Variants in BPTF observed in about 807,000 individuals in gnomAD.
The protein encoded by BPTF is nucleosome-remodeling factor subunit BPTF.
Under a neutral mutation model 292.5 loss-of-function variants are expected in BPTF, and 18 were observed. The observed-to-expected ratio is 0.06, with a 90% CI of 0.04 to 0.09. BPTF has a LOEUF of 0.09. BPTF is among the 10% of genes least tolerant of loss of function. The pLI is 1.00. For missense variants in BPTF, 2,726 were observed against 3,498.7 expected, an observed-to-expected ratio of 0.78 and a Z score of 5.57; for synonymous variants, 1,225 against 1,251.9, an observed-to-expected ratio of 0.98 and a Z score of 0.45.
chr17:67,955,277 C>CAAAA (rs60507268), intron 23 of BPTF: 14 of 119,518 alleles, frequency 1.2e-4, no homozygotes, highest in African/African-American at 3.8e-4. Flanking sequence ...GACTCTGTCT[C>CAAAA]AAAAAAAAAA....
chr17:67,924,860 G>A (rs1646320900), intron 15 of BPTF, among the ~76,000 whole-genome samples: 1 of 151,894 alleles, frequency 6.6e-6, no homozygotes, highest in Non-Finnish European at 1.5e-5. Flanking sequence ...GGTTCAAGCG[G>A]TCCTCAGCCT....
intron 5 of BPTF, among the ~76,000 whole-genome samples, chr17:67,893,003 C>G (rs1163228617): frequency 6.6e-6 from 1 of 151,924 alleles, no homozygotes; most frequent in Non-Finnish European, 1.5e-5. Context: ...ATAGTACATG[C>G]GATGCCCTTC....
intron 2 of BPTF, among the ~76,000 whole-genome samples, chr17:67,864,248 C>T (rs146311755): frequency 1.3e-5 from 2 of 151,994 alleles, no homozygotes; most frequent in African/African-American, 2.4e-5. Flanking sequence ...CTTTTCAGCC[C>T]GGTGCGGTGG....
At chr17:67,969,129 C>G (rs1004934620) in intron 26 of BPTF, among the ~76,000 whole-genome samples, 1 of 150,572 alleles carries the variant, frequency 6.6e-6, no homozygotes, top group African/African-American at 2.5e-5. Context: ...TGGCAAAACC[C>G]TGTCTCTCCA....
intron 7 of BPTF, among the ~76,000 whole-genome samples, chr17:67,902,225 T>C (rs1407200315): frequency 6.6e-6 from 1 of 152,136 alleles, no homozygotes; most frequent in Non-Finnish European, 1.5e-5. Flanking sequence ...AGCTTTGAGC[T>C]CCTAGGGTGT....
intron 23 of BPTF, among the ~76,000 whole-genome samples, chr17:67,950,609 G>A (rs1033613053): frequency 1.3e-5 from 2 of 151,784 alleles, no homozygotes; most frequent in Non-Finnish European, 1.5e-5. Flanking sequence ...AGGCTGAGGC[G>A]AGCGGATCAT....
At chr17:67,893,950 A>G in intron 6 of BPTF, 84 bp from the exon 7 acceptor site, 1 of 1,516,788 alleles carries the variant, frequency 6.6e-7, no homozygotes, top group Non-Finnish European at 9.0e-7. Flanking sequence ...CTGGAATCAG[A>G]TGGAGGCCAA....
At chr17:67,939,005 T>C (rs752642540) in intron 18 of BPTF, among the ~76,000 whole-genome samples, 1 of 152,202 alleles carries the variant, frequency 6.6e-6, no homozygotes, top group Non-Finnish European at 1.5e-5. Flanking sequence ...ACTGGTGATA[T>C]CAAGGTTTGG....
chr17:67,951,205 CTCTT>C (rs2066325051), intron 23 of BPTF: 1 of 152,182 alleles, frequency 6.6e-6, no homozygotes, highest in Admixed American at 6.6e-5. Flanking sequence ...CTCTCTCTCT[CTCTT>C]TTTCTCAGAG....
At chr17:67,916,984 A>G (rs775186000) in intron 11 of BPTF, among the ~76,000 whole-genome samples, 4 of 152,072 alleles carry the variant, frequency 2.6e-5, no homozygotes, top group Non-Finnish European at 4.4e-5. Flanking sequence ...ATGATATTTA[A>G]TGCAGTTAAG....
At chr17:67,909,431 C>T (rs1011470568) in intron 9 of BPTF, 151 bp from the exon 10 acceptor site, 4 of 537,582 alleles carry the variant, frequency 7.4e-6, no homozygotes, top group African/African-American at 2.0e-5. Context: ...GTACCTTATA[C>T]TCAATAAGAC....
intron 9 of BPTF, among the ~76,000 whole-genome samples, chr17:67,905,415 A>G (rs113269773): frequency 0.018 from 2,766 of 151,964 alleles, 93 homozygotes; most frequent in African/African-American, 0.063. Context: ...CTCAAAAAAA[A>G]AAAAATTCAG....
intron 17 of BPTF, among the ~76,000 whole-genome samples, chr17:67,931,333 C>T (rs747363010): frequency 2.6e-5 from 4 of 151,822 alleles, no homozygotes; most frequent in Non-Finnish European, 5.9e-5. Flanking sequence ...ATTAGCCGGA[C>T]ATGGTGCCAT....
At chr17:67,915,563 G>A (rs749195514) in intron 11 of BPTF, among the ~76,000 whole-genome samples, 4 of 151,924 alleles carry the variant, frequency 2.6e-5, no homozygotes, top group Admixed American at 1.3e-4. Context: ...ATCTCTTTCT[G>A]TACCTCTACA....
intron 12 of BPTF, among the ~76,000 whole-genome samples, chr17:67,919,265 G>A (rs2063277587): frequency 6.6e-6 from 1 of 151,614 alleles, no homozygotes; most frequent in African/African-American, 2.4e-5. Context: ...GCCATGTGTG[G>A]TGGCTCTCAC....
At chr17:67,837,772 G>A (rs549652014) in intron 1 of BPTF, among the ~76,000 whole-genome samples, 5 of 152,146 alleles carry the variant, frequency 3.3e-5, no homozygotes, top group Non-Finnish European at 7.3e-5. Flanking sequence ...TTTAGCAGGT[G>A]TTCTTGGATA....
intron 3 of BPTF, among the ~76,000 whole-genome samples, chr17:67,874,222 A>G (rs1414110170): frequency 6.6e-6 from 1 of 152,206 alleles, no homozygotes; most frequent in South Asian, 2.1e-4. Context: ...ATAACATGCC[A>G]TAGTATCACT....
At chr17:67,948,480 T>G (rs983149617) in intron 23 of BPTF, among the ~76,000 whole-genome samples, 174 bp downstream of exon 23, 2 of 152,220 alleles carry the variant, frequency 1.3e-5, no homozygotes, top group Non-Finnish European at 2.9e-5. Context: ...AAGTCAGAGC[T>G]TTTATAACTA....
At chr17:67,856,368 T>C (rs1334966893) in intron 2 of BPTF, among the ~76,000 whole-genome samples, 2 of 152,168 alleles carry the variant, frequency 1.3e-5, no homozygotes, top group African/African-American at 4.8e-5. Context: ...TTCTCTTACC[T>C]TTCTGAGGCT....
Sources: allele counts gnomAD v4.1 joint callset (sites outside exome capture counted in the v4.1 genomes callset), GRCh38; gene constraint gnomAD v4.1.1; transcripts MANE v1.5; gene names NCBI Gene and HGNC (gene_info 2026-07-23, HGNC 2026-07-21).